PCDHGB1: variants seen among roughly 807,000 people sequenced by gnomAD.
The protein encoded by PCDHGB1 is protocadherin gamma subfamily B, 1, also known as protocadherin gamma-B1.
Under a neutral mutation model 56.6 loss-of-function variants are expected in PCDHGB1, and 34 were observed. The ratio of observed to expected loss-of-function variants is 0.60; its 90% CI spans 0.46 to 0.80. PCDHGB1 has a LOEUF of 0.80. Among genes scored for constraint, PCDHGB1 ranks in the 30% least tolerant of loss-of-function variants. The pLI is 0.00. For missense variants in PCDHGB1, 1,278 were observed against 1,204.6 expected (o/e 1.06, Z -0.90); for synonymous variants, 561 against 505.9 (o/e 1.11, Z -1.46).
chr5:141,415,264 C>T, intron 1 of PCDHGB1: 3 of 1,614,210 alleles, frequency 1.9e-6, no homozygotes, highest in South Asian at 1.1e-5. Flanking sequence ...CACTCTGTAC[C>T]TGGTGGTAGC....
At chr5:141,393,230 A>G (rs2092708331) in intron 1 of PCDHGB1, 1 of 1,613,764 alleles carries the variant, frequency 6.2e-7, no homozygotes, top group Non-Finnish European at 8.5e-7. Context: ...AAGATCTAGA[A>G]GTAAAAATTA....
At chr5:141,413,873 G>A (rs544856148) in intron 1 of PCDHGB1, 4 of 1,613,372 alleles carry the variant, frequency 2.5e-6, no homozygotes, top group Admixed American at 1.7e-5. Context: ...GTCCTTGTCA[G>A]TGTGACTGTC....
intron 1 of PCDHGB1, chr5:141,423,023 C>G (rs1410040994): frequency 6.2e-7 from 1 of 1,614,222 alleles, no homozygotes; most frequent in Non-Finnish European, 8.5e-7. Context: ...GACAAAGATT[C>G]AGGCCAGAAC....
chr5:141,417,023 T>C (rs2096074487), intron 1 of PCDHGB1: 1 of 139,106 alleles, frequency 7.2e-6, no homozygotes, highest in South Asian at 2.3e-4. Flanking sequence ...TTTTGAAAAA[T>C]ACAGGTTTTT....
intron 1 of PCDHGB1, chr5:141,382,817 A>G (rs1778464992): frequency 3.9e-6 from 5 of 1,269,918 alleles, no homozygotes; most frequent in Non-Finnish European, 4.4e-6. Flanking sequence ...TCCCCTTCCT[A>G]AGACAGAGGG....
At chr5:141,457,289 G>C (rs907200077) in intron 1 of PCDHGB1, among the ~76,000 whole-genome samples, 2 of 152,146 alleles carry the variant, frequency 1.3e-5, no homozygotes, top group African/African-American at 4.8e-5. Flanking sequence ...GAAGTTCCTT[G>C]GTTTTATTTT....
rs1301800438 is a variant in PCDHGB1, at chr5:141,432,966, C to T, written c.2410-61841C>T. ...TCAGGAGGCGGCTTGACAGGAGCGC[C>T]GGCGTCGCACTTTGTGGGCGTGGAC... On this transcript the variant is annotated intron_variant, in intron 1 of 3. Coordinates refer to ENST00000523390, the MANE Select transcript of PCDHGB1 (RefSeq NM_018922.3). This position sits in a 1 kb window ranked among gnomAD's most constrained non-coding sequence, Gnocchi z 6.0. 1.2e-6 allele frequency: 2 copies of T among 1,614,066 alleles called. No homozygotes were observed. The highest frequency in any genetic ancestry group is 8.5e-7 in the Non-Finnish European group (1 of 1,180,052).
intron 1 of PCDHGB1, chr5:141,399,376 A>G: frequency 6.2e-7 from 1 of 1,613,956 alleles, no homozygotes; most frequent in Non-Finnish European, 8.5e-7. Flanking sequence ...GTACAATGTC[A>G]CCATCACAGC....
At chr5:141,510,056 G>C (rs1450505898) in intron 3 of PCDHGB1, among the ~76,000 whole-genome samples, 2 of 152,174 alleles carry the variant, frequency 1.3e-5, no homozygotes. Flanking sequence ...AAGTGATTGT[G>C]CATGTGAAGC....
At chr5:141,465,894 G>A (rs970043849) in intron 1 of PCDHGB1, among the ~76,000 whole-genome samples, 1 of 152,098 alleles carries the variant, frequency 6.6e-6, no homozygotes, top group Non-Finnish European at 1.5e-5. Flanking sequence ...AGGCCGAGGC[G>A]GGCAAATCAC....
intron 1 of PCDHGB1, chr5:141,383,159 C>G (rs769758778): frequency 2.6e-5 from 42 of 1,613,986 alleles, no homozygotes; most frequent in Non-Finnish European, 3.5e-5. Flanking sequence ...TTGGTCACTG[C>G]GGGCAGGATA....
chr5:141,386,056 A>C (rs2090445356), intron 1 of PCDHGB1: 1 of 152,214 alleles, frequency 6.6e-6, no homozygotes, highest in South Asian at 2.1e-4. Flanking sequence ...TTTAACAGAG[A>C]ATTCCAGTAT....
chr5:141,417,028 GTTT>G, intron 1 of PCDHGB1: 2 of 150,056 alleles, frequency 1.3e-5, no homozygotes, highest in East Asian at 3.9e-4. Flanking sequence ...AAAAATACAG[GTTT>G]TTTTTTTAAA....
intron 1 of PCDHGB1, chr5:141,478,432 G>T (rs1238011675): frequency 6.2e-7 from 1 of 1,613,728 alleles, no homozygotes; most frequent in Admixed American, 1.7e-5. Context: ...GCGACCCGCT[G>T]CTGAAGAAAC....
chr5:141,413,573 A>G (rs375156046), intron 1 of PCDHGB1: 12 of 1,613,768 alleles, frequency 7.4e-6, no homozygotes, highest in South Asian at 4.4e-5. Context: ...ATCAATGACA[A>G]TGCTCCAAAA....
intron 1 of PCDHGB1, among the ~76,000 whole-genome samples, chr5:141,354,179 G>A (rs1271601077): frequency 6.6e-6 from 1 of 152,076 alleles, no homozygotes; most frequent in Non-Finnish European, 1.5e-5. Context: ...ACTATTATCT[G>A]CACTTTATAG....
chr5:141,449,498 A>G (rs1190732747), intron 1 of PCDHGB1, among the ~76,000 whole-genome samples: 7 of 150,506 alleles, frequency 4.7e-5, no homozygotes, highest in Non-Finnish European at 8.9e-5. Flanking sequence ...GTGAGGCATG[A>G]GAAATGCTTG....
chr5:141,434,106 T>C (rs1195019110), intron 1 of PCDHGB1, among the ~76,000 whole-genome samples: 1 of 152,236 alleles, frequency 6.6e-6, no homozygotes, highest in Non-Finnish European at 1.5e-5. Context: ...TGTCCCAGGA[T>C]TGGCCTTTGG....
rs112808093 is a variant in PCDHGB1, at chr5:141,489,579, C to T, written c.2410-5228C>T. On this transcript the variant is annotated intron_variant, in intron 1 of 3. Transcript: ENST00000523390. The surrounding 1 kb of genome is among the most constrained non-coding windows in gnomAD (Gnocchi z 4.5). ...CAGTGCAGGTGGTGACTGAACACCC[C>T]CTGGAGCTAATCCGTGTAGAGGTAG... is the stretch of plus-strand genomic sequence containing the variant. 211 of 1,614,038 alleles carry T rather than the reference C, an allele frequency of 1.3e-4. 1 individual carries two copies. In the African/African-American group the frequency reaches 1.7e-3, roughly 13 times the overall value.
Sources: gnomAD v4.1 joint callset for allele counts (sites outside exome capture counted in the v4.1 genomes callset) on GRCh38, gnomAD v4.1.1 for gene constraint, Gnocchi (gnomAD v3.1) non-coding constraint, MANE v1.5 for transcripts, NCBI Gene and HGNC (gene_info 2026-07-23, HGNC 2026-07-21) for gene names.